TACC1: variants seen among roughly 807,000 people sequenced by gnomAD.
The protein encoded by TACC1 is transforming acidic coiled-coil containing protein 1, also known as transforming acidic coiled-coil-containing protein 1.
TACC1 carries 48 observed loss-of-function variants against 84.4 expected under a neutral mutation model. The ratio of observed to expected loss-of-function variants is 0.57; its 90% confidence interval spans 0.45 to 0.72. TACC1 has a LOEUF of 0.72. TACC1 is among the 30% of genes least tolerant of loss of function. The pLI is 0.00. For synonymous variants in TACC1, 372 were observed against 376.3 expected (o/e 0.99, Z 0.13); for missense variants, 920 against 973.0 (o/e 0.95, Z 0.72).
intron 3 of TACC1, among the ~76,000 whole-genome samples, chr8:38,770,423 TC>T (rs1813354841): frequency 6.6e-6 from 1 of 151,956 alleles, no homozygotes; most frequent in African/African-American, 2.4e-5. Flanking sequence ...CGCCGCGCTC[TC>T]CCCCTTCGCA....
intron 1 of TACC1, 122 bp downstream of exon 1, chr8:38,787,865 C>T: frequency 1.0e-6 from 1 of 991,336 alleles, no homozygotes. Context: ...TGCCGCGTCC[C>T]TGCCCGGAGC....
At chr8:38,805,734 G>C (rs973404734) in intron 2 of TACC1, 2 of 152,152 alleles carry the variant, frequency 1.3e-5, no homozygotes, top group African/African-American at 4.8e-5. Context: ...TCAATTTTAG[G>C]GCTTCAGGTC....
rs545626019 is a variant in TACC1, at chr8:38,752,219, C to CCAG, written c.26+6729_26+6731dup. ...GGCACTGTGGCTCATGCCTGTAATC[C>CCAG]CAGCACCTGACAGGCTGAGGCAGGC... On this transcript the variant is annotated intron_variant, in intron 3 of 14. Transcript: ENST00000518415. Among the ~76,000 whole-genome samples, 229 of 152,236 alleles carry CCAG rather than the reference C, an allele frequency of 1.5e-3. 1 individual carries two copies. The highest frequency in any genetic ancestry group is 5.1e-3 in the African/African-American group (211 of 41,546).
rs79886214 is a variant in TACC1, at chr8:38,777,419, G to A, written c.27-11285G>A. ...TCCAGAGTGTGGTCCTCACACAGCAGAAGTTGTGACACGCAGTTCACAACT... is the reference window on the plus strand; with the variant it reads ...TCCAGAGTGTGGTCCTCACACAGCAAAAGTTGTGACACGCAGTTCACAACT... On this transcript the variant is annotated intron_variant, in intron 3 of 14. Coordinates refer to the TACC1 transcript ENST00000518415. 3.3e-5 allele frequency among the ~76,000 whole-genome samples: 5 copies of A among 152,354 alleles called. No homozygotes were observed. In the East Asian group the frequency reaches 9.6e-4, roughly 29 times the overall value.
chr8:38,837,252 TA>T (rs56272394), intron 7 of TACC1, among the ~76,000 whole-genome samples: 214 of 140,912 alleles, frequency 1.5e-3, no homozygotes, highest in Admixed American at 1.9e-3. Context: ...CCATCTCTAC[TA>T]AAAAAAAAAA....
chr8:38,826,659 C>T (rs895672474), intron 4 of TACC1, among the ~76,000 whole-genome samples: 5 of 152,058 alleles, frequency 3.3e-5, no homozygotes, highest in Admixed American at 2.6e-4. Flanking sequence ...AAAGGAATAA[C>T]ATAAATTTCT....
At chr8:38,758,586 G>C (rs1485946484) in intron 3 of TACC1, among the ~76,000 whole-genome samples, 2 of 148,956 alleles carry the variant, frequency 1.3e-5, no homozygotes, top group Non-Finnish European at 3.0e-5. Context: ...GGCTGAGGCA[G>C]GAGAATCACT....
chr8:38,783,521 A>G (rs1342768222), upstream of TACC1, among the ~76,000 whole-genome samples: 1 of 151,350 alleles, frequency 6.6e-6, no homozygotes, highest in African/African-American at 2.4e-5. Context: ...TCCCCGGTTC[A>G]AGTGATTCTC....
intron 3 of TACC1, among the ~76,000 whole-genome samples, chr8:38,777,948 G>T (rs750080341): frequency 6.6e-6 from 1 of 152,192 alleles, no homozygotes; most frequent in Non-Finnish European, 1.5e-5. Flanking sequence ...AATTCAGAGG[G>T]TTCTTTTGCT....
intron 2 of TACC1, among the ~76,000 whole-genome samples, chr8:38,815,979 GA>G (rs1430506053): frequency 6.9e-6 from 1 of 145,912 alleles, no homozygotes; most frequent in Non-Finnish European, 1.5e-5. Flanking sequence ...AAAAAAAAAA[GA>G]ATAAAATTTA....
At chr8:38,821,412 TAGAA>T (rs1826785104) in intron 3 of TACC1, among the ~76,000 whole-genome samples, 1 of 152,204 alleles carries the variant, frequency 6.6e-6, no homozygotes, top group South Asian at 2.1e-4. Context: ...AAGGGTCTTG[TAGAA>T]AGAAGACTTT....
intron 3 of TACC1, among the ~76,000 whole-genome samples, chr8:38,770,531 TG>T (rs1276760730): frequency 6.6e-6 from 1 of 152,152 alleles, no homozygotes; most frequent in Non-Finnish European, 1.5e-5. Flanking sequence ...TTGAGATCTG[TG>T]AAAGAATCAG....
chr8:38,757,156 C>A, intron 3 of TACC1: 1 of 795,668 alleles, frequency 1.3e-6, no homozygotes, highest in Non-Finnish European at 1.6e-6. Context: ...TTGGCGGCAT[C>A]TGAAGCCACC....
At chr8:38,774,503 A>G (rs1814393410) in intron 3 of TACC1, among the ~76,000 whole-genome samples, 1 of 152,072 alleles carries the variant, frequency 6.6e-6, no homozygotes, top group Non-Finnish European at 1.5e-5. Context: ...ATTTTTTATT[A>G]TTGTTTTGAG....
In TACC1 at chr8:38,842,394, G is replaced by C. The variant is rs2152324169; in HGVS notation, c.2068G>C (p.Asp690His). Residue 690 changes from aspartate (D) to histidine (H), a missense_variant, in exon 10 of 13, where the codon GAT becomes CAT. Asp to His is a moderately conservative substitution (Grantham distance 81). This residue lies in a region of TACC1 where 158 missense variants were observed against 225.6 expected (regional missense o/e 0.70). Transcript: ENST00000317827. ...TAACTCTGTGGAAAGGTCCCTTTCT[G>C]ATCTCTTCAGGAGATATGAGAACCT... Reference protein sequence around the residue: ...DLNSVERSLSDLFRRYENLKG... With the variant: ...DLNSVERSLSHLFRRYENLKG... The C allele has an allele frequency of 6.2e-7, 1 of 1,614,182 alleles. No homozygotes were observed. Among genetic ancestry groups the C allele is most frequent in the East Asian group, 2.2e-5 (1 of 44,884 alleles).
chr8:38,821,011 G>A (rs761966985), intron 3 of TACC1, among the ~76,000 whole-genome samples: 3 of 152,088 alleles, frequency 2.0e-5, no homozygotes, highest in Non-Finnish European at 4.4e-5. Flanking sequence ...TTTGAGACCA[G>A]TCTGACCAAC....
chr8:38,844,489 T>C (rs1470610097), intron 11 of TACC1, among the ~76,000 whole-genome samples: 1 of 152,186 alleles, frequency 6.6e-6, no homozygotes, highest in Non-Finnish European at 1.5e-5. Context: ...GCATTTATTT[T>C]AATCAATGTA....
chr8:38,741,819 A>G (rs1474744682), intron 1 of TACC1, among the ~76,000 whole-genome samples: 2 of 152,188 alleles, frequency 1.3e-5, no homozygotes, highest in Non-Finnish European at 2.9e-5. Context: ...TGGGTCCAAG[A>G]TGTTTGAATT....
chr8:38,733,984 G>A (rs1805477554), intron 1 of TACC1, among the ~76,000 whole-genome samples: 1 of 152,036 alleles, frequency 6.6e-6, no homozygotes, highest in South Asian at 2.1e-4. Flanking sequence ...ACTGTAAACC[G>A]TTCTCATTCA....
Sources: allele counts gnomAD v4.1 joint callset (sites outside exome capture counted in the v4.1 genomes callset), GRCh38; gene constraint gnomAD v4.1.1; regional missense constraint gnomAD v4.1.1; transcripts MANE v1.5; gene names NCBI Gene and HGNC (gene_info 2026-07-23, HGNC 2026-07-21).